The following PCDHA5 variants were observed in gnomAD, a reference collection of about 807,000 sequenced individuals.
PCDHA5 encodes the protein protocadherin alpha-5.
A neutral mutation model predicts 61.6 loss-of-function variants in PCDHA5; 43 were observed. The ratio of observed to expected loss-of-function variants is 0.70; its 90% confidence interval spans 0.55 to 0.90. The LOEUF (loss-of-function observed/expected upper bound fraction) is 0.90, where lower values mean the gene tolerates loss of function less well. Among genes scored for constraint, PCDHA5 ranks in the 40% least tolerant of loss-of-function variants. The pLI, the probability that PCDHA5 is intolerant of heterozygous loss-of-function variation, is 0.00. For synonymous variants in PCDHA5, 627 were observed against 543.9 expected (o/e 1.15, Z -2.13); for missense variants, 1,298 against 1,222.7 (o/e 1.06, Z -0.92).
intron 2 of PCDHA5, among the ~76,000 whole-genome samples, chr5:140,980,549 G>A (rs1382828581): frequency 1.3e-5 from 2 of 152,162 alleles, no homozygotes; most frequent in Non-Finnish European, 2.9e-5. Context: ...AGAATCGCTT[G>A]AACCCGGGAG....
intron 1 of PCDHA5, among the ~76,000 whole-genome samples, chr5:140,956,898 T>G (rs1554222699): frequency 6.6e-6 from 1 of 152,218 alleles, no homozygotes; most frequent in Admixed American, 6.6e-5. Flanking sequence ...ATGAATATTC[T>G]TAAATGTATA....
chr5:140,914,785 C>G (rs2153531678), intron 1 of PCDHA5, among the ~76,000 whole-genome samples: 1 of 151,672 alleles, frequency 6.6e-6, no homozygotes, highest in Non-Finnish European at 1.5e-5. Context: ...ATCTTATGAC[C>G]CATTATTTTA....
At position 140,870,837 on chromosome 5, in the gene PCDHA5, G is replaced by T. The variant is rs782610375; in HGVS notation, c.2352+46710G>T. ...GCAGCGCGGGAGGCGCAGTTAACAA[G>T]CTAGTACCGCGGTCGGTGGGTGCGG... On this transcript the variant is annotated intron_variant, in intron 1 of 3. Transcript: ENST00000529859. 5 of 1,613,820 alleles carry T rather than the reference G, an allele frequency of 3.1e-6. No individual in the cohort carries two copies. The South Asian group carries it at 4.4e-5, about 14-fold the overall frequency.
At chr5:140,942,545 G>C (rs981508818) in intron 1 of PCDHA5, among the ~76,000 whole-genome samples, 4 of 151,970 alleles carry the variant, frequency 2.6e-5, no homozygotes, top group African/African-American at 9.7e-5. Context: ...ATGGTGGGGG[G>C]TAGGGGGTTG....
At chr5:140,933,338 G>T (rs2089065952) in intron 1 of PCDHA5, among the ~76,000 whole-genome samples, 1 of 151,926 alleles carries the variant, frequency 6.6e-6, no homozygotes, top group South Asian at 2.1e-4. Context: ...TGTAGAGAAA[G>T]ATAAACACTT....
At chr5:140,997,251 G>T (rs1217959179) in intron 3 of PCDHA5, among the ~76,000 whole-genome samples, 2 of 152,060 alleles carry the variant, frequency 1.3e-5, no homozygotes, top group Non-Finnish European at 2.9e-5. Context: ...TTACTTTAGG[G>T]TTCACTCTTC....
intron 1 of PCDHA5, among the ~76,000 whole-genome samples, chr5:140,964,205 T>C (rs1483183685): frequency 6.6e-6 from 1 of 152,212 alleles, no homozygotes; most frequent in Admixed American, 6.5e-5. Context: ...TACCATCTCT[T>C]TAGTACAATG....
intron 3 of PCDHA5, among the ~76,000 whole-genome samples, chr5:140,984,004 A>G (rs1039333145): frequency 6.6e-6 from 1 of 152,196 alleles, no homozygotes; most frequent in Admixed American, 6.5e-5. Context: ...TTAGAGAGCT[A>G]ATATTGCCAG....
chr5:140,836,144 G>T (rs2150253955), intron 1 of PCDHA5: 2 of 1,613,780 alleles, frequency 1.2e-6, no homozygotes, highest in Non-Finnish European at 1.7e-6. Context: ...CTGTGGGCGC[G>T]GGCCATGTGG....
chr5:140,919,529 TC>T (rs2079177812), intron 1 of PCDHA5, among the ~76,000 whole-genome samples: 1 of 152,196 alleles, frequency 6.6e-6, no homozygotes. Context: ...TCTCTTTTTT[TC>T]CTATACTTTT....
At chr5:140,830,541 T>C in intron 1 of PCDHA5, 4 of 1,203,448 alleles carry the variant, frequency 3.3e-6, no homozygotes, top group Non-Finnish European at 4.5e-6. Context: ...ATAATTGTTT[T>C]CCTCATATTT....
At chr5:140,844,980 T>A (rs1294725594) in intron 1 of PCDHA5, among the ~76,000 whole-genome samples, 1 of 149,336 alleles carries the variant, frequency 6.7e-6, no homozygotes, top group African/African-American at 2.5e-5. Flanking sequence ...AGTATTGTTT[T>A]AAATCTTTTA....
intron 1 of PCDHA5, among the ~76,000 whole-genome samples, chr5:140,914,395 C>G (rs781878941): frequency 6.6e-6 from 1 of 152,082 alleles, no homozygotes; most frequent in African/African-American, 2.4e-5. Context: ...TGTAGTTACC[C>G]CTGCTCCTGT....
chr5:141,010,265 G>A lies in PCDHA5; in HGVS notation c.*328G>A, dbSNP rs1554262846. ...GTTGGACTCTCTGCCCTGTGCTCCGGGGATCCTGTCTTGATGACACTTGCA... is the reference window on the plus strand; with the variant it reads ...GTTGGACTCTCTGCCCTGTGCTCCGAGGATCCTGTCTTGATGACACTTGCA... On this transcript the variant is annotated 3_prime_UTR_variant, in exon 4 of 4. Coordinates refer to ENST00000529859, the MANE Select transcript of PCDHA5 (RefSeq NM_018908.3). 6.4e-7 allele frequency: 1 copy of A among 1,551,726 alleles called. No homozygotes were observed. The highest frequency in any genetic ancestry group is 8.7e-7 in the Non-Finnish European group (1 of 1,147,006).
rs182447320 is a variant in PCDHA5, at chr5:140,868,739, C to A, written c.2352+44612C>A. 921 of 204,056 alleles carry A rather than the reference C, an allele frequency of 4.5e-3. 4 individuals carry two copies. The highest frequency in any genetic ancestry group is 0.012 in the Middle Eastern group (6 of 494). The allele number at this position is 204,056 out of a possible 1,614,324, so 12.6% of individuals were successfully genotyped here. ...TAAATTTGATGTTAATCGAGAAATACAATGCCATTTCCATATATATTTAGT... is the reference window on the plus strand; with the variant it reads ...TAAATTTGATGTTAATCGAGAAATAAAATGCCATTTCCATATATATTTAGT... On this transcript the variant is annotated intron_variant, in intron 1 of 3. Transcript: ENST00000529859.
chr5:140,998,321 G>A lies in PCDHA5; in HGVS notation c.2501-11306G>A, dbSNP rs79793895. On this transcript the variant is annotated intron_variant, in intron 3 of 3. Coordinates refer to ENST00000529859, the MANE Select transcript of PCDHA5 (RefSeq NM_018908.3). ...TTTAGTAAGGGCACCAGGATCTGAA[G>A]CAGGATTGTTTGACTTCTGAGTCTG... is the stretch of plus-strand genomic sequence containing the variant. 9.8e-3 allele frequency among the ~76,000 whole-genome samples: 1,493 copies of A among 152,278 alleles called. 32 individuals carry two copies. The highest frequency in any genetic ancestry group is 0.034 in the African/African-American group (1,408 of 41,548).
At chr5:140,988,092 C>T (rs1266366711) in intron 3 of PCDHA5, among the ~76,000 whole-genome samples, 6 of 152,174 alleles carry the variant, frequency 3.9e-5, no homozygotes, top group East Asian at 1.9e-4. Flanking sequence ...AGTGCAGCCT[C>T]GGGCCTTGTT....
In PCDHA5 at chr5:140,823,331, T is replaced by G; in HGVS notation, c.1556T>G (p.Leu519Arg). Residue 519 changes from leucine (L) to arginine (R), a missense_variant, in exon 1 of 4, where the codon CTG (leucine) becomes CGG (arginine). Coordinates refer to ENST00000529859, the MANE Select transcript of PCDHA5 (RefSeq NM_018908.3). ...GCGGAGAGCGGCAAGGTGTACGCGCTGCAGCCGCTGGACCACGAGGAAGTG... is the reference window on the plus strand; with the variant it reads ...GCGGAGAGCGGCAAGGTGTACGCGCGGCAGCCGCTGGACCACGAGGAAGTG... ...VHAESGKVYA[L>R]QPLDHEEVEL... The G allele has an allele frequency of 1.2e-6, 2 of 1,612,068 alleles. No individual in the cohort carries two copies. The highest frequency in any genetic ancestry group is 1.7e-6 in the Non-Finnish European group (2 of 1,179,738).
intron 1 of PCDHA5, chr5:140,927,345 C>G (rs1391320223): frequency 1.2e-6 from 2 of 1,614,012 alleles, no homozygotes. Context: ...CCCAAGATGA[C>G]GACGAGGGAA....
Sources: gnomAD v4.1 joint callset for allele counts (sites outside exome capture counted in the v4.1 genomes callset) on GRCh38, gnomAD v4.1.1 for gene constraint, MANE v1.5 for transcripts, NCBI Gene and HGNC (gene_info 2026-07-23, HGNC 2026-07-21) for gene names.